Variants in GPC5 observed in about 807,000 individuals in gnomAD.
The protein encoded by GPC5 is glypican 5.
Under a neutral mutation model 53.9 loss-of-function variants are expected in GPC5, and 47 were observed. The observed-to-expected ratio is 0.87, with a 90% confidence interval of 0.69 to 1.11. The LOEUF is 1.11. GPC5 is among the 50% of genes most tolerant of loss of function. The pLI is 0.00. For missense variants in GPC5, 748 were observed against 713.1 expected (o/e 1.05, Z -0.56); for synonymous variants, 286 against 263.3 (o/e 1.09, Z -0.84).
intron 7 of GPC5, among the ~76,000 whole-genome samples, chr13:92,267,215 A>G (rs1040969927): frequency 6.6e-6 from 1 of 151,916 alleles, no homozygotes; most frequent in Non-Finnish European, 1.5e-5. Flanking sequence ...CATCCTGGCT[A>G]TTATTTTACC....
chr13:91,786,083 G>A (rs1210923061), intron 5 of GPC5, among the ~76,000 whole-genome samples: 1 of 152,056 alleles, frequency 6.6e-6, no homozygotes, highest in Admixed American at 6.6e-5. Flanking sequence ...CACAACCTCT[G>A]CCTCCTAAGT....
At chr13:91,596,774 C>T (rs1282996490) in intron 2 of GPC5, among the ~76,000 whole-genome samples, 1 of 152,038 alleles carries the variant, frequency 6.6e-6, no homozygotes, top group Non-Finnish European at 1.5e-5. Context: ...ATGAGGTTTC[C>T]CAGTGTTGCT....
intron 2 of GPC5, among the ~76,000 whole-genome samples, chr13:91,602,001 CAACAAGACAAATATTAG>C (rs1227945780): frequency 6.6e-6 from 1 of 152,182 alleles, no homozygotes; most frequent in East Asian, 1.9e-4. Flanking sequence ...ACTGTCCAGT[CAACAAGACAAATATTAG>C]AAGTTAAGAA....
chr13:92,492,467 A>G (rs1192963902), intron 7 of GPC5, among the ~76,000 whole-genome samples: 5 of 151,966 alleles, frequency 3.3e-5, no homozygotes, highest in Admixed American at 2.6e-4. Context: ...CATTGTGCAC[A>G]TGTACCCTAG....
intron 6 of GPC5, among the ~76,000 whole-genome samples, chr13:92,021,659 A>T (rs1452875172): frequency 6.6e-6 from 1 of 152,208 alleles, no homozygotes; most frequent in Non-Finnish European, 1.5e-5. Context: ...TCCTACTTAC[A>T]GCTATTTTCA....
At chr13:92,140,568 A>G (rs1285990161) in intron 6 of GPC5, among the ~76,000 whole-genome samples, 2 of 152,218 alleles carry the variant, frequency 1.3e-5, no homozygotes, top group African/African-American at 4.8e-5. Context: ...TCCACATTTT[A>G]TCACTCTTTC....
At chr13:92,385,581 A>G (rs933455192) in intron 7 of GPC5, among the ~76,000 whole-genome samples, 1 of 70,998 alleles carries the variant, frequency 1.4e-5, no homozygotes, top group Admixed American at 1.6e-4. Context: ...CGCATATATA[A>G]TATATACGCA....
chr13:92,136,720 A>T (rs1396203003), intron 6 of GPC5, among the ~76,000 whole-genome samples: 3 of 139,758 alleles, frequency 2.1e-5, no homozygotes, highest in Non-Finnish European at 4.8e-5. Flanking sequence ...TTTGAATATG[A>T]TGAATGTTTC....
intron 6 of GPC5, among the ~76,000 whole-genome samples, chr13:92,103,901 G>A (rs1473046813): frequency 6.6e-6 from 1 of 152,036 alleles, no homozygotes; most frequent in Admixed American, 6.6e-5. Context: ...GGAACGTAGT[G>A]GGGCTTTTCA....
intron 7 of GPC5, among the ~76,000 whole-genome samples, chr13:92,374,357 A>T (rs1468943674): frequency 6.6e-6 from 1 of 152,098 alleles, no homozygotes; most frequent in Admixed American, 6.6e-5. Context: ...TTTATAGTAT[A>T]TACTGATTTC....
chr13:91,802,095 G>A (rs1328950898), intron 5 of GPC5, among the ~76,000 whole-genome samples: 2 of 152,216 alleles, frequency 1.3e-5, no homozygotes, highest in Non-Finnish European at 2.9e-5. Context: ...AAGACATAGT[G>A]TGTCTGGAAT....
chr13:92,680,640 C>T (rs1286352283), intron 7 of GPC5, among the ~76,000 whole-genome samples: 3 of 152,032 alleles, frequency 2.0e-5, no homozygotes, highest in Non-Finnish European at 4.4e-5. Flanking sequence ...GCACAATGCA[C>T]CTAATGGTTA....
At chr13:92,503,573 C>A (rs914891385) in intron 7 of GPC5, among the ~76,000 whole-genome samples, 6 of 151,338 alleles carry the variant, frequency 4.0e-5, no homozygotes, top group South Asian at 2.1e-4. Flanking sequence ...TTAAAAAAAA[C>A]CCAGGAAAAC....
At chr13:92,671,843 A>G (rs59370847) in intron 7 of GPC5, among the ~76,000 whole-genome samples, 147 of 152,348 alleles carry the variant, frequency 9.6e-4, no homozygotes, top group African/African-American at 3.4e-3. Context: ...ATATTTAAAA[A>G]GGATAAATAA....
At chr13:92,378,754 C>G (rs2043714840) in intron 7 of GPC5, among the ~76,000 whole-genome samples, 1 of 151,966 alleles carries the variant, frequency 6.6e-6, no homozygotes, top group African/African-American at 2.4e-5. Flanking sequence ...ATGTTTTTAC[C>G]TCTACATTTT....
At chr13:92,143,731 T>C (rs1304098220) in intron 6 of GPC5, among the ~76,000 whole-genome samples, 2 of 152,178 alleles carry the variant, frequency 1.3e-5, no homozygotes, top group Non-Finnish European at 2.9e-5. Flanking sequence ...AATCTAAGTG[T>C]TTGTAACATG....
chr13:92,492,412 C>T (rs892937775), intron 7 of GPC5, among the ~76,000 whole-genome samples: 11 of 151,316 alleles, frequency 7.3e-5, no homozygotes, highest in African/African-American at 2.2e-4. Context: ...TTAATGGGTG[C>T]AGCACACTAA....
intron 6 of GPC5, among the ~76,000 whole-genome samples, chr13:91,929,813 T>TTA (rs72514932): frequency 4.5e-5 from 6 of 134,706 alleles, no homozygotes; most frequent in East Asian, 2.3e-4. Context: ...AGATTTTCTA[T>TTA]TTTTTTTTTA....
chr13:92,632,081 A>G (rs1885257434), intron 7 of GPC5, among the ~76,000 whole-genome samples: 1 of 152,186 alleles, frequency 6.6e-6, no homozygotes, highest in Admixed American at 6.5e-5. Flanking sequence ...ACAAAAGGTA[A>G]TATCTGTTGC....
Sources: allele counts gnomAD v4.1 joint callset (sites outside exome capture counted in the v4.1 genomes callset), GRCh38; gene constraint gnomAD v4.1.1; transcripts MANE v1.5; gene names NCBI Gene and HGNC (gene_info 2026-07-23, HGNC 2026-07-21).